SEPTIN9: variants seen among roughly 807,000 people sequenced by gnomAD.
SEPTIN9 encodes the protein septin 9, also known as septin-9.
A neutral mutation model predicts 56.6 loss-of-function variants in SEPTIN9; 13 were observed. The observed-to-expected ratio is 0.23, with a 90% CI of 0.15 to 0.37. The LOEUF is 0.37. SEPTIN9 is among the 10% of genes least tolerant of loss of function. SEPTIN9 has a pLI of 1.00. For synonymous variants in SEPTIN9, 332 were observed against 334.1 expected (o/e 0.99, Z 0.07); for missense variants, 650 against 823.1 (o/e 0.79, Z 2.57).
At chr17:77,320,203 GTTTT>G (rs2032856962) in intron 2 of SEPTIN9, 4 of 1,603,028 alleles carry the variant, frequency 2.5e-6, no homozygotes, top group Non-Finnish European at 3.4e-6. Flanking sequence ...GACAAAGAGT[GTTTT>G]TAGAGGAGGA....
intron 2 of SEPTIN9, among the ~76,000 whole-genome samples, chr17:77,321,646 C>T (rs1320889534): frequency 6.6e-6 from 1 of 152,178 alleles, no homozygotes; most frequent in Non-Finnish European, 1.5e-5. Flanking sequence ...CCTCAGCCTC[C>T]CAAAGTGCTG....
At chr17:77,481,403 G>A (rs902931100) in intron 3 of SEPTIN9, among the ~76,000 whole-genome samples, 1 of 127,464 alleles carries the variant, frequency 7.8e-6, no homozygotes, top group Non-Finnish European at 1.7e-5. Flanking sequence ...TGGTGCAGGG[G>A]CCCCCCTCCT....
intron 2 of SEPTIN9, chr17:77,375,608 A>T (rs1457511581): frequency 1.3e-5 from 2 of 152,182 alleles, no homozygotes; most frequent in Non-Finnish European, 2.9e-5. Context: ...TTAGTCCAAG[A>T]CAATGGGCTC....
intron 2 of SEPTIN9, among the ~76,000 whole-genome samples, chr17:77,352,975 CATTGG>C (rs1464796428): frequency 2.6e-5 from 4 of 152,192 alleles, no homozygotes; most frequent in Admixed American, 6.5e-5. Context: ...AGACACCTGT[CATTGG>C]ATTTAGGGCC....
In SEPTIN9 at chr17:77,318,164, G is replaced by A. The variant is rs1028245426; in HGVS notation, c.76+10967G>A. Among the ~76,000 whole-genome samples, 2 of 152,146 alleles carry A rather than the reference G, an allele frequency of 1.3e-5. No homozygotes were observed. Among genetic ancestry groups the A allele is most frequent in the East Asian group, 1.9e-4 (1 of 5,188 alleles). On this transcript the variant is annotated intron_variant, in intron 2 of 11. Transcript: ENST00000427177. This position sits in a 1 kb window ranked among gnomAD's most constrained non-coding sequence, Gnocchi z 4.9. ...GTCTTCCCTGAAACCGATCCCAGGTGCCAAAAAGGTTGGGGGCCACTGCCT... is the reference window on the plus strand; with the variant it reads ...GTCTTCCCTGAAACCGATCCCAGGTACCAAAAAGGTTGGGGGCCACTGCCT...
intron 2 of SEPTIN9, among the ~76,000 whole-genome samples, chr17:77,342,923 C>T (rs963942722): frequency 2.6e-5 from 4 of 151,986 alleles, no homozygotes; most frequent in East Asian, 3.9e-4. Context: ...TGTGGTGAGC[C>T]GAGATTGCAC....
rs1218662521 is a variant in SEPTIN9, at chr17:77,456,228, G to T, written c.722-25916G>T. 2 of 152,486 alleles carry T rather than the reference G, an allele frequency of 1.3e-5. No individual in the cohort carries two copies. Among genetic ancestry groups the T allele is most frequent in the African/African-American group, 4.8e-5 (2 of 41,426 alleles). The allele number at this position is 152,486 out of a possible 1,614,324, so 9.4% of individuals were successfully genotyped here. ...GTGGGAGCCGAGGCCAGGGAGAACAGCGCAGACCTGGCACGGAGAGGCCTG... is the reference window on the plus strand; with the variant it reads ...GTGGGAGCCGAGGCCAGGGAGAACATCGCAGACCTGGCACGGAGAGGCCTG... On this transcript the variant is annotated intron_variant, in intron 3 of 11. Coordinates refer to ENST00000427177, the MANE Select transcript of SEPTIN9 (RefSeq NM_001113491.2). This position sits in a 1 kb window ranked among gnomAD's most constrained non-coding sequence, Gnocchi z 6.0.
Position 77,425,209 on chromosome 17 carries a change from C to T in SEPTIN9, c.721+22506C>T, listed in dbSNP as rs559298712. Among the ~76,000 whole-genome samples the T allele has an allele frequency of 3.5e-4, 54 of 152,186 alleles. No homozygotes were observed. Among genetic ancestry groups the T allele is most frequent in the African/African-American group, 7.2e-4 (30 of 41,516 alleles). On this transcript the variant is annotated intron_variant, in intron 3 of 11. Coordinates refer to ENST00000427177, the MANE Select transcript of SEPTIN9 (RefSeq NM_001113491.2). The surrounding 1 kb of genome is among the most constrained non-coding windows in gnomAD (Gnocchi z 4.2). ...ATGGGCCCAGCTGTGGGAGGTCGTG[C>T]GGGCTGGGGACTGAGAGTGCCGGAG...
chr17:77,379,794 C>G (rs1435093016), intron 2 of SEPTIN9, among the ~76,000 whole-genome samples: 1 of 152,148 alleles, frequency 6.6e-6, no homozygotes, highest in African/African-American at 2.4e-5. Context: ...GCCACCCCCT[C>G]CCCCGACTTT....
At chr17:77,355,605 C>T (rs995734674) in intron 2 of SEPTIN9, among the ~76,000 whole-genome samples, 1 of 152,160 alleles carries the variant, frequency 6.6e-6, no homozygotes, top group Non-Finnish European at 1.5e-5. Flanking sequence ...TGGAGACCCT[C>T]AACCCATGCA....
chr17:77,454,468 G>A, intron 3 of SEPTIN9: 1 of 763,860 alleles, frequency 1.3e-6, no homozygotes, highest in Non-Finnish European at 1.6e-6. Flanking sequence ...GAGTTTGTTT[G>A]ATGAGGAATT....
rs539064871 is a variant in SEPTIN9 at position 77,350,367 on chromosome 17, A to C, written c.76+43170A>C. 3.3e-5 allele frequency among the ~76,000 whole-genome samples: 5 copies of C among 152,292 alleles called. No individual in the cohort carries two copies. In the East Asian group the frequency reaches 9.6e-4, roughly 29 times the overall value. On this transcript the variant is annotated intron_variant, in intron 2 of 11. Transcript: ENST00000427177. The stretch of plus-strand genomic sequence containing the variant: ...TCTCTCTGTTCTTGTGCTTCCAGGG[A>C]TAAAGGAGAGGTGGTCCTAGCTGGG...
At position 77,445,312 on chromosome 17, in the gene SEPTIN9, C is replaced by T. The variant is rs2037696579; in HGVS notation, c.722-36832C>T. 1 of 465,536 alleles carries T rather than the reference C, an allele frequency of 2.1e-6. No homozygotes were observed. The highest frequency in any genetic ancestry group is 4.4e-6 in the Non-Finnish European group (1 of 226,994). The allele number at this position is 465,536 out of a possible 1,614,324, so 28.8% of individuals were successfully genotyped here. A position where few individuals can be genotyped will look rare whatever the true frequency, so the allele number is the denominator to read the frequency against. ...GCACCCCCATGCAGAAGCGCGGCCG[C>T]CAGCTCACAAAGGATAGGGAGGGAT... On this transcript the variant is annotated intron_variant, in intron 3 of 11. Transcript: ENST00000427177. The surrounding 1 kb of genome is among the most constrained non-coding windows in gnomAD (Gnocchi z 4.7).
chr17:77,441,290 C>CAACA (rs2037539490), intron 3 of SEPTIN9, among the ~76,000 whole-genome samples: 1 of 152,190 alleles, frequency 6.6e-6, no homozygotes, highest in South Asian at 2.1e-4. Context: ...CTGGGGCTGA[C>CAACA]AACAGTCTCA....
At chr17:77,407,309 T>A (rs1244881522) in intron 3 of SEPTIN9, among the ~76,000 whole-genome samples, 250 of 89,948 alleles carry the variant, frequency 2.8e-3, no homozygotes, top group Middle Eastern at 7.4e-3. Flanking sequence ...AAAAAAAAAA[T>A]CCCATAAGAT....
chr17:77,308,088 C>A (rs1315835482), intron 2 of SEPTIN9, among the ~76,000 whole-genome samples: 1 of 152,178 alleles, frequency 6.6e-6, no homozygotes, highest in African/African-American at 2.4e-5. Context: ...TGGGTCACAG[C>A]AATGAATGGA....
At chr17:77,482,685 C>T (rs2039507272) in intron 4 of SEPTIN9, 2 of 598,546 alleles carry the variant, frequency 3.3e-6, no homozygotes, top group Admixed American at 2.9e-5. Context: ...ACTGTTGCTC[C>T]AGCCTGGCCC....
rs1234021597 is a variant in SEPTIN9 at position 77,376,039 on chromosome 17, C to T, written c.77-26020C>T. On this transcript the variant is annotated intron_variant, in intron 2 of 11. Transcript: ENST00000427177. ...AGGGGTGATGTGGACAGGCAGCTTC[C>T]GAATCAGGGTAGAGAAAAGTCACCA... 5.3e-6 allele frequency: 5 copies of T among 949,342 alleles called. No homozygotes were observed. In the African/African-American group the frequency reaches 7.4e-5, roughly 14 times the overall value. The allele number at this position is 949,342 out of a possible 1,614,324, so 58.8% of individuals were successfully genotyped here.
rs1186632764 is a variant in SEPTIN9, at chr17:77,435,981, G to A, written c.721+33278G>A. 2.0e-5 allele frequency among the ~76,000 whole-genome samples: 3 copies of A among 152,216 alleles called. No homozygotes were observed. The highest frequency in any genetic ancestry group is 7.2e-5 in the African/African-American group (3 of 41,460). ...GGGCTAGAGCATGGAGACGTTGCTG[G>A]AGGACCAAGGGAGAACTGAGCGCGT... On this transcript the variant is annotated intron_variant, in intron 3 of 11. Coordinates refer to ENST00000427177, the MANE Select transcript of SEPTIN9 (RefSeq NM_001113491.2). This position sits in a 1 kb window ranked among gnomAD's most constrained non-coding sequence, Gnocchi z 4.5.
Sources: allele counts gnomAD v4.1 joint callset (sites outside exome capture counted in the v4.1 genomes callset), GRCh38; gene constraint gnomAD v4.1.1; non-coding constraint Gnocchi (gnomAD v3.1); transcripts MANE v1.5; gene names NCBI Gene and HGNC (gene_info 2026-07-23, HGNC 2026-07-21).